ASB9: variants seen among roughly 807,000 people sequenced by gnomAD.
ASB9 encodes the protein ankyrin repeat and SOCS box protein 9.
A neutral mutation model predicts 16.6 loss-of-function variants in ASB9; 5 were observed. That is an observed-to-expected ratio of 0.30 (90% CI 0.16 to 0.63). The LOEUF (loss-of-function observed/expected upper bound fraction) is 0.63, where lower values mean the gene tolerates loss of function less well. Ranked by LOEUF, ASB9 falls within the 30% of genes least tolerant of loss-of-function variation. The pLI is 0.82. For synonymous variants in ASB9, 100 were observed against 86.4 expected (o/e 1.16, Z -0.87); for missense variants, 216 against 229.4 (o/e 0.94, Z 0.38).
At chrX:15,247,658 G>A (rs1011096009) in intron 6 of ASB9, among the ~76,000 whole-genome samples, 2 of 112,230 alleles carry the variant, frequency 1.8e-5, no homozygotes, top group Non-Finnish European at 3.8e-5. Flanking sequence ...TATGGGCCTC[G>A]TAGACATAGA....
upstream of ASB9, chrX:15,270,404 T>G (rs945196420): frequency 8.8e-6 from 1 of 114,163 alleles, no homozygotes; most frequent in Non-Finnish European, 1.9e-5. Context: ...GAAAGCTGGT[T>G]TTGCAGCAGC....
At chrX:15,267,768 AAAAG>A (rs1926650420) in intron 1 of ASB9, among the ~76,000 whole-genome samples, 1 of 92,709 alleles carries the variant, frequency 1.1e-5, no homozygotes, top group African/African-American at 4.0e-5. Flanking sequence ...AAAAAAAAAA[AAAAG>A]AAATTCTTTG....
At chrX:15,259,886 G>A (rs908511303) in intron 1 of ASB9, among the ~76,000 whole-genome samples, 3 of 111,875 alleles carry the variant, frequency 2.7e-5, no homozygotes, top group African/African-American at 9.8e-5. Flanking sequence ...AATGCATTTC[G>A]TGTTTAGACT....
At chrX:15,251,065 A>G (rs1006724292) in intron 4 of ASB9, among the ~76,000 whole-genome samples, 1 of 112,595 alleles carries the variant, frequency 8.9e-6, no homozygotes, top group African/African-American at 3.2e-5. Context: ...TGGTTTGACC[A>G]TAGGATGCAA....
In ASB9 at chrX:15,251,567, G is replaced by A. The variant is rs571496179; in HGVS notation, c.433+687C>T. ...AGATCATTATGAGTGGGTTGGTCCA[G>A]TCAAATGGGAAGCCATTCTATGAAA... On this transcript the variant is annotated intron_variant, in intron 4 of 6. Transcript: ENST00000380488. Among the ~76,000 whole-genome samples the A allele has an allele frequency of 5.3e-5, 6 of 112,247 alleles. No individual in the cohort carries two copies. In the South Asian group the frequency reaches 2.2e-3, roughly 42 times the overall value.
At chrX:15,248,284 G>C (rs1924831431) in intron 6 of ASB9, among the ~76,000 whole-genome samples, 1 of 97,936 alleles carries the variant, frequency 1.0e-5, no homozygotes, top group Non-Finnish European at 2.3e-5. Context: ...AATATCTTTG[G>C]ATTGGTGTGA....
intron 1 of ASB9, among the ~76,000 whole-genome samples, chrX:15,267,586 T>C (rs867932105): frequency 3.0e-5 from 2 of 67,511 alleles, no homozygotes; most frequent in Non-Finnish European, 5.8e-5. Flanking sequence ...CTACTAAAAA[T>C]ACAAAAATCA....
intron 1 of ASB9, among the ~76,000 whole-genome samples, chrX:15,262,105 C>T (rs937675478): frequency 8.0e-5 from 8 of 100,008 alleles, no homozygotes; most frequent in Admixed American, 6.7e-4. Context: ...CATGTTGTAG[C>T]GTGCATCAGT....
At chrX:15,246,951 C>T (rs1035405653) in intron 6 of ASB9, among the ~76,000 whole-genome samples, 2 of 111,463 alleles carry the variant, frequency 1.8e-5, no homozygotes, top group African/African-American at 3.3e-5. Flanking sequence ...TCTCAGAAAA[C>T]GGGAAAATCT....
intron 6 of ASB9, among the ~76,000 whole-genome samples, chrX:15,245,161 G>A (rs1249075741): frequency 1.8e-5 from 2 of 111,699 alleles, no homozygotes; most frequent in Non-Finnish European, 1.9e-5. Flanking sequence ...AAGTGAACTA[G>A]CTAGCACAAA....
In ASB9 at chrX:15,258,895, G is replaced by A. The variant is rs1324412422; in HGVS notation, c.145C>T (p.Gln49Ter). The change falls in exon 2 of 7, where the codon CAG becomes TAG. Residue 49 changes from glutamine to a stop codon, truncating the protein, a stop_gained. Coordinates refer to ENST00000380488, the MANE Select transcript of ASB9 (RefSeq NM_001031739.3). LOFTEE classifies it high-confidence loss of function. ...PMHEAAIHGH[Q>*]LSLRNLISQG... ...CTGATGAGGTTCCTCAGAGACAGCTGATGTCCGTGGATTGCAGCTTCATGC... is the reference window on the plus strand; with the variant it reads ...CTGATGAGGTTCCTCAGAGACAGCTAATGTCCGTGGATTGCAGCTTCATGC... The A allele has an allele frequency of 6.6e-6, 8 of 1,209,480 alleles. No individual in the cohort carries two copies. The highest frequency in any genetic ancestry group is 8.9e-6 in the Non-Finnish European group (8 of 894,510).
At chrX:15,263,670 C>A (rs1331601816) in intron 1 of ASB9, among the ~76,000 whole-genome samples, 1 of 110,649 alleles carries the variant, frequency 9.0e-6, no homozygotes, top group Non-Finnish European at 1.9e-5. Flanking sequence ...TCTCAACAGG[C>A]AGGTTTTCCC....
chrX:15,262,386 T>C (rs927487097), intron 1 of ASB9, among the ~76,000 whole-genome samples: 1 of 112,046 alleles, frequency 8.9e-6, no homozygotes, highest in Non-Finnish European at 1.9e-5. Context: ...CCCTACTGTA[T>C]GTTCCCATCA....
At position 15,269,919 on chromosome X, in the gene ASB9, G is replaced by A. The variant is rs369829883; in HGVS notation, c.-45C>T. 2.8e-6 allele frequency: 3 copies of A among 1,054,794 alleles called. No homozygotes were observed. The highest frequency in any genetic ancestry group is 3.9e-6 in the Non-Finnish European group (3 of 774,231). 86.9% of individuals were successfully genotyped at this position (1,054,794 alleles called of 1,213,427 possible). A position where few individuals can be genotyped will look rare whatever the true frequency, so the allele number is the denominator to read the frequency against. ...GCAAGCTCTGCGCTCCACTTCAGTT[G>A]CTCAGCAAAGTCCAAACTCCATGCT... On this transcript the variant is annotated 5_prime_UTR_variant, in exon 1 of 7. Transcript: ENST00000380488.
chrX:15,268,446 A>C (rs1439468752), intron 1 of ASB9, among the ~76,000 whole-genome samples: 2 of 102,046 alleles, frequency 2.0e-5, no homozygotes, highest in Non-Finnish European at 4.0e-5. Flanking sequence ...TTTTTCTTTG[A>C]TACGGAGTCT....
Position 15,258,955 on chromosome X carries a change from AAG to A in ASB9, c.95-12_95-11del. The A allele has an allele frequency of 8.4e-7, 1 of 1,188,755 alleles. No homozygotes were observed. Among genetic ancestry groups the A allele is most frequent in the Non-Finnish European group, 1.1e-6 (1 of 874,829 alleles). On this transcript the variant is annotated splice_polypyrimidine_tract_variant and intron_variant, in intron 1 of 6. Coordinates refer to ENST00000380488, the MANE Select transcript of ASB9 (RefSeq NM_001031739.3). ...CAATCAGACACAGCATCTGTATGGA[AAG>A]AGGGGAATGGGTTATATCCTGCTAA...
At chrX:15,245,867 C>T (rs1924621924) in intron 6 of ASB9, among the ~76,000 whole-genome samples, 1 of 112,011 alleles carries the variant, frequency 8.9e-6, no homozygotes, top group Non-Finnish European at 1.9e-5. Context: ...AGAGATGGAA[C>T]TCGACACATA....
intron 5 of ASB9, 49 bp from the exon 6 acceptor site, chrX:15,248,984 C>A: frequency 3.7e-6 from 4 of 1,075,766 alleles, no homozygotes; most frequent in Non-Finnish European, 4.8e-6. Context: ...CAGAATCCAA[C>A]CATCGGGGCT....
In ASB9 at chrX:15,250,511, T is replaced by G. The variant is rs1261911071; in HGVS notation, c.487A>C (p.Lys163Gln). 2.5e-6 allele frequency: 3 copies of G among 1,207,980 alleles called. No individual in the cohort carries two copies. Among genetic ancestry groups the G allele is most frequent in the Non-Finnish European group, 3.4e-6 (3 of 893,362 alleles). The change falls in exon 5 of 7, where the codon AAG becomes CAG. Residue 163 changes from lysine (K) to glutamine (Q), a missense_variant. Lys to Gln is a moderately conservative substitution (Grantham distance 53). Coordinates refer to ENST00000380488, the MANE Select transcript of ASB9 (RefSeq NM_001031739.3). ...LIAYGGNIDH[K>Q]ISHLGTPLYL... Reference sequence around the variant, plus strand: ...AGTGGAGTGCCCAGGTGGCTGATCTTATGGTCAATGTTGCCCCCATAAGCT... The same window carrying G: ...AGTGGAGTGCCCAGGTGGCTGATCTGATGGTCAATGTTGCCCCCATAAGCT...
Sources: gnomAD v4.1 joint callset for allele counts (sites outside exome capture counted in the v4.1 genomes callset) on GRCh38, gnomAD v4.1.1 for gene constraint, MANE v1.5 for transcripts, NCBI Gene and HGNC (gene_info 2026-07-23, HGNC 2026-07-21) for gene names.